Variants in CDKL2 observed in about 807,000 individuals in gnomAD.
The protein encoded by CDKL2 is cyclin dependent kinase like 2.
CDKL2 carries 64 observed loss-of-function variants against 63.9 expected under a neutral mutation model. The ratio of observed to expected loss-of-function variants is 1.00; its 90% CI spans 0.82 to 1.23. The LOEUF (loss-of-function observed/expected upper bound fraction) is 1.23, where lower values mean the gene tolerates loss of function less well. Among genes scored for constraint, CDKL2 ranks in the 50% most tolerant of loss-of-function variants. The pLI, the probability that CDKL2 is intolerant of heterozygous loss-of-function variation, is 0.00. For missense variants in CDKL2, 656 were observed against 668.0 expected (o/e 0.98, Z 0.20); for synonymous variants, 211 against 229.2 (o/e 0.92, Z 0.72).
At chr4:75,594,840 A>T (rs1560576941) in intron 10 of CDKL2, among the ~76,000 whole-genome samples, 1 of 152,212 alleles carries the variant, frequency 6.6e-6, no homozygotes, top group Non-Finnish European at 1.5e-5. Context: ...GAACAGATTG[A>T]TGGAGAAAGA....
At position 75,625,870 on chromosome 4, in the gene CDKL2, T is replaced by C. The variant is rs1730377890; in HGVS notation, c.119A>G (p.Asp40Gly). Residue 40 changes from aspartate to glycine, a missense_variant, in exon 2 of 14, where the codon GAT becomes GGT. Coordinates refer to ENST00000307465, the MANE Select transcript of CDKL2 (RefSeq NM_001330724.2). The stretch of plus-strand genomic sequence containing the variant: ...TGCAATCTTTTTAACCATTTTGTCA[T>C]CGTCACTTTCTAAGAACTTCTTTAT... ...VAIKKFLESD[D>G]DKMVKKIAMR... The C allele has an allele frequency of 6.8e-6, 11 of 1,613,416 alleles. No homozygotes were observed. Among genetic ancestry groups the C allele is most frequent in the South Asian group, 3.3e-5 (3 of 90,986 alleles).
rs71607323 is a variant in CDKL2 at position 75,580,739 on chromosome 4, C to T, written c.*23+1071G>A. Among the ~76,000 whole-genome samples the T allele has an allele frequency of 4.4e-3, 626 of 141,124 alleles. 4 individuals are homozygous for T. Among genetic ancestry groups the T allele is most frequent in the Non-Finnish European group, 7.8e-3 (509 of 65,512 alleles). The allele number at this position is 141,124 out of a possible 152,430, so 92.6% of individuals were successfully genotyped here. A position where few individuals can be genotyped will look rare whatever the true frequency, so the allele number is the denominator to read the frequency against. ...TTTTTGAGACGGAGTCTCGCTCTGT[C>T]GCCCAGGCTGGAGTGCAGTGGCGCG... is the stretch of plus-strand genomic sequence containing the variant. On this transcript the variant is annotated intron_variant, in intron 13 of 13. Transcript: ENST00000307465.
intron 7 of CDKL2, among the ~76,000 whole-genome samples, chr4:75,599,138 GA>G (rs1255636276): frequency 6.6e-6 from 1 of 152,150 alleles, no homozygotes; most frequent in African/African-American, 2.4e-5. Flanking sequence ...ACTAAAGCAT[GA>G]TATTACAAAA....
chr4:75,622,734 A>AAAAAAAAAAAAAAAAAAAAAAAAC (rs1730210351), intron 2 of CDKL2, among the ~76,000 whole-genome samples: 1 of 148,636 alleles, frequency 6.7e-6, no homozygotes, highest in African/African-American at 2.5e-5. Context: ...AAAAAAAAAA[A>AAAAAAAAAAAAAAAAAAAAAAAAC]AAAAAAAAAA....
intron 12 of CDKL2, among the ~76,000 whole-genome samples, chr4:75,588,289 T>A (rs1728564099): frequency 6.6e-6 from 1 of 151,616 alleles, no homozygotes; most frequent in Non-Finnish European, 1.5e-5. Flanking sequence ...CACCAGTGAA[T>A]TCCATTAATA....
intron 2 of CDKL2, among the ~76,000 whole-genome samples, chr4:75,621,081 G>A (rs147325215): frequency 0.012 from 1,784 of 151,714 alleles, 38 homozygotes; most frequent in African/African-American, 0.041. Context: ...GACTATAGGC[G>A]CGCACCAACA....
At chr4:75,628,032 T>G (rs973354922) in intron 1 of CDKL2, among the ~76,000 whole-genome samples, 5 of 151,592 alleles carry the variant, frequency 3.3e-5, no homozygotes, top group Non-Finnish European at 7.4e-5. Flanking sequence ...AAATTAAATA[T>G]TAGTAGTACC....
At chr4:75,581,442 A>G (rs142656589) in intron 13 of CDKL2, among the ~76,000 whole-genome samples, 1 of 152,230 alleles carries the variant, frequency 6.6e-6, no homozygotes, top group Admixed American at 6.5e-5. Flanking sequence ...TGCATCTTTC[A>G]GAACATTAAC....
At chr4:75,583,556 C>T (rs1028317588) in intron 12 of CDKL2, among the ~76,000 whole-genome samples, 4 of 152,204 alleles carry the variant, frequency 2.6e-5, no homozygotes, top group African/African-American at 9.6e-5. Flanking sequence ...ATCTTACAGA[C>T]AGCTGCAACC....
At chr4:75,616,385 G>A (rs1304832976) in intron 2 of CDKL2, among the ~76,000 whole-genome samples, 5 of 151,476 alleles carry the variant, frequency 3.3e-5, no homozygotes, top group South Asian at 2.1e-4. Flanking sequence ...TTCAGGGGCC[G>A]GGCACAGTGG....
intron 12 of CDKL2, among the ~76,000 whole-genome samples, chr4:75,584,715 G>A (rs372112821): frequency 6.6e-6 from 1 of 152,066 alleles, no homozygotes. Flanking sequence ...CAATAAAAGG[G>A]TAGGTAGCAT....
chr4:75,596,327 T>G lies in CDKL2; in HGVS notation c.1336A>C (p.Thr446Pro). 6.2e-7 allele frequency: 1 copy of G among 1,608,454 alleles called. No homozygotes were observed. The part of the protein sequence containing the change: ...PIQGYRVDEK[T>P]KKCSIPFVKP... The stretch of plus-strand genomic sequence containing the variant: ...ACAAATGGAATAGAACACTTCTTAG[T>G]TTTCTCATCCACTCTGTAACGACAA... The change falls in exon 10 of 14, where the codon ACT (threonine) becomes CCT (proline). Residue 446 changes from threonine to proline, a missense_variant. Coordinates refer to ENST00000307465, the MANE Select transcript of CDKL2 (RefSeq NM_001330724.2).
At chr4:75,584,669 G>GA (rs1050276582) in intron 12 of CDKL2, among the ~76,000 whole-genome samples, 1 of 151,932 alleles carries the variant, frequency 6.6e-6, no homozygotes, top group Non-Finnish European at 1.5e-5. Flanking sequence ...ACAGTATTGT[G>GA]TTTTTTTTAA....
chr4:75,589,398 G>A (rs924762141), intron 12 of CDKL2, among the ~76,000 whole-genome samples: 7 of 146,584 alleles, frequency 4.8e-5, no homozygotes, highest in Non-Finnish European at 7.5e-5. Flanking sequence ...TCCGCCTCCC[G>A]GGTTCACGCC....
At chr4:75,582,406 A>C (rs1368580944) in intron 12 of CDKL2, among the ~76,000 whole-genome samples, 1 of 152,224 alleles carries the variant, frequency 6.6e-6, no homozygotes, top group African/African-American at 2.4e-5. Flanking sequence ...ATCTCACTGG[A>C]TGGACTTAAT....
intron 12 of CDKL2, among the ~76,000 whole-genome samples, chr4:75,584,842 A>G (rs1001047373): frequency 6.6e-6 from 1 of 152,228 alleles, no homozygotes; most frequent in Non-Finnish European, 1.5e-5. Context: ...AGAACTGTTT[A>G]TTTCTGGAAC....
chr4:75,577,106 T>C lies in CDKL2; in HGVS notation c.*2096A>G, dbSNP rs1728056818. On this transcript the variant is annotated 3_prime_UTR_variant, in exon 14 of 14. Coordinates refer to ENST00000307465, the MANE Select transcript of CDKL2 (RefSeq NM_001330724.2). ...AATAAATCTAAATTTAAACCATCTA[T>C]GGAGCCCAGTAAGATAATATTTATT... 6.6e-6 allele frequency among the ~76,000 whole-genome samples: 1 copy of C among 152,182 alleles called. No homozygotes were observed. The highest frequency in any genetic ancestry group is 1.5e-5 in the Non-Finnish European group (1 of 68,020).
intron 3 of CDKL2, among the ~76,000 whole-genome samples, chr4:75,608,820 CTT>C (rs1003752022): frequency 5.9e-5 from 9 of 152,012 alleles, no homozygotes; most frequent in Admixed American, 5.9e-4. Flanking sequence ...TTGGTGAAAC[CTT>C]GTCTTTACTA....
intron 2 of CDKL2, among the ~76,000 whole-genome samples, chr4:75,619,821 A>G (rs1041708303): frequency 1.3e-5 from 2 of 152,198 alleles, no homozygotes; most frequent in South Asian, 4.1e-4. Context: ...GCCCATGAAC[A>G]TGGAAGAATG....
Sources: allele counts gnomAD v4.1 joint callset (sites outside exome capture counted in the v4.1 genomes callset), GRCh38; gene constraint gnomAD v4.1.1; transcripts MANE v1.5; gene names NCBI Gene and HGNC (gene_info 2026-07-23, HGNC 2026-07-21).